Variants in WDR41 observed in about 807,000 individuals in gnomAD.
The protein encoded by WDR41 is WD repeat-containing protein 41.
Under a neutral mutation model 69.3 loss-of-function variants are expected in WDR41, and 63 were observed. The observed-to-expected ratio is 0.91, with a 90% confidence interval of 0.74 to 1.12. WDR41 has a LOEUF of 1.12. Ranked by LOEUF, WDR41 falls within the 50% of genes most tolerant of loss-of-function variation. WDR41 has a pLI of 0.00. For synonymous variants in WDR41, 185 were observed against 192.1 expected (o/e 0.96, Z 0.31); for missense variants, 543 against 534.5 (o/e 1.02, Z -0.16).
chr5:77,581,988 A>C (rs1200885099), intron 1 of WDR41, among the ~76,000 whole-genome samples: 1 of 151,892 alleles, frequency 6.6e-6, no homozygotes, highest in Admixed American at 6.6e-5. Context: ...ATAAGTAATA[A>C]AATTAGAGGA....
chr5:77,542,999 A>G (rs986209004), intron 1 of WDR41, among the ~76,000 whole-genome samples: 1 of 152,064 alleles, frequency 6.6e-6, no homozygotes, highest in Non-Finnish European at 1.5e-5. Flanking sequence ...GATAACCCCC[A>G]CTACCAGCCC....
rs186857981 is a variant in WDR41, at chr5:77,471,603, C to T, written c.168-6794G>A. Among the ~76,000 whole-genome samples the T allele has an allele frequency of 1.7e-3, 251 of 152,082 alleles. 7 individuals are homozygous for T. The East Asian group carries it at 0.042, about 25-fold the overall frequency. ...AAAATGATAAAGGGGATATCACCACCAATCCCACAGAAATACAAACTACCA... is the reference window on the plus strand; with the variant it reads ...AAAATGATAAAGGGGATATCACCACTAATCCCACAGAAATACAAACTACCA... On this transcript the variant is annotated intron_variant, in intron 2 of 12. Coordinates refer to ENST00000296679, the MANE Select transcript of WDR41 (RefSeq NM_018268.4).
chr5:77,605,680 C>T (rs1000019289), intron 1 of WDR41, among the ~76,000 whole-genome samples: 5 of 152,182 alleles, frequency 3.3e-5, no homozygotes, highest in Admixed American at 6.5e-5. Context: ...GACACAGCAG[C>T]TGGCTGGCCA....
rs189508862 is a variant in WDR41, at chr5:77,475,828, T to A, written c.168-11019A>T. 1.9e-4 allele frequency among the ~76,000 whole-genome samples: 29 copies of A among 152,266 alleles called. No homozygotes were observed. The East Asian group carries it at 4.6e-3, about 24-fold the overall frequency. On this transcript the variant is annotated intron_variant, in intron 2 of 12. Coordinates refer to ENST00000296679, the MANE Select transcript of WDR41 (RefSeq NM_018268.4). ...GGAACAAAGCTGGATGGAGAATGAC[T>A]TTGACAAGCTGAGAGAAGAAGGCTT... is the stretch of plus-strand genomic sequence containing the variant.
chr5:77,530,516 G>A (rs535358931), intron 1 of WDR41, among the ~76,000 whole-genome samples: 1 of 151,686 alleles, frequency 6.6e-6, no homozygotes, highest in South Asian at 2.1e-4. Flanking sequence ...ACACAAAAAA[G>A]AATATACTGA....
chr5:77,444,076 C>T (rs567015888), intron 8 of WDR41, among the ~76,000 whole-genome samples: 1 of 152,038 alleles, frequency 6.6e-6, no homozygotes, highest in East Asian at 1.9e-4. Context: ...TGACGGGTTT[C>T]GCCATGTTGG....
At position 77,561,434 on chromosome 5, in the gene WDR41, GT is replaced by G. The variant is rs1743522627; in HGVS notation, c.42+59044del. Among the ~76,000 whole-genome samples the G allele has an allele frequency of 3.9e-5, 6 of 152,144 alleles. No homozygotes were observed. The South Asian group carries it at 1.2e-3, about 32-fold the overall frequency. On this transcript the variant is annotated intron_variant, in intron 1 of 5. Coordinates refer to the WDR41 transcript ENST00000509971. ...CATGAAGTAGAGAGTTCATTATTTA[GT>G]TTTGATACTTTTTTTTCCTTGCTTT...
intron 1 of WDR41, among the ~76,000 whole-genome samples, chr5:77,558,023 C>CGTCA (rs1743441101): frequency 1.4e-5 from 2 of 145,508 alleles, no homozygotes; most frequent in Non-Finnish European, 3.0e-5. Context: ...AAAAACCCCA[C>CGTCA]GTCAGTGTAA....
intron 2 of WDR41, among the ~76,000 whole-genome samples, chr5:77,470,248 A>G (rs987289091): frequency 5.3e-5 from 8 of 152,196 alleles, no homozygotes; most frequent in Non-Finnish European, 8.8e-5. Context: ...TGTCACCACC[A>G]GGCCTGTCTT....
chr5:77,451,123 G>GGCCTA (rs1194095648), intron 7 of WDR41, among the ~76,000 whole-genome samples, 168 bp downstream of exon 7: 1 of 152,050 alleles, frequency 6.6e-6, no homozygotes, highest in Non-Finnish European at 1.5e-5. Context: ...AAAGAAACCT[G>GGCCTA]GCCTAACATC....
chr5:77,604,726 C>T (rs1433639430), intron 1 of WDR41, among the ~76,000 whole-genome samples: 2 of 151,810 alleles, frequency 1.3e-5, no homozygotes, highest in African/African-American at 2.4e-5. Context: ...AGGAAAAGAC[C>T]AAAACCGACC....
At chr5:77,454,126 T>TA (rs1799734607) in intron 5 of WDR41, among the ~76,000 whole-genome samples, 198 bp from the exon 6 acceptor site, 1 of 152,198 alleles carries the variant, frequency 6.6e-6, no homozygotes, top group South Asian at 2.1e-4. Flanking sequence ...GTGTGTGACT[T>TA]ACAAGACTAA....
At chr5:77,469,494 C>G (rs1478372694) in intron 2 of WDR41, among the ~76,000 whole-genome samples, 1 of 152,128 alleles carries the variant, frequency 6.6e-6, no homozygotes, top group Non-Finnish European at 1.5e-5. Flanking sequence ...AATCTACAGA[C>G]TTAATCCAAT....
At chr5:77,529,646 A>C (rs1283946772) in intron 1 of WDR41, among the ~76,000 whole-genome samples, 1 of 151,630 alleles carries the variant, frequency 6.6e-6, no homozygotes, top group Non-Finnish European at 1.5e-5. Flanking sequence ...AATTAAGTCA[A>C]TGTGGTATTG....
At chr5:77,515,173 T>C (rs950133760) in intron 1 of WDR41, among the ~76,000 whole-genome samples, 1 of 152,136 alleles carries the variant, frequency 6.6e-6, no homozygotes, top group Non-Finnish European at 1.5e-5. Flanking sequence ...TCTTAAAACA[T>C]ATGTTTTACA....
At chr5:77,454,284 G>A (rs554476815) in intron 5 of WDR41, among the ~76,000 whole-genome samples, 4 of 152,326 alleles carry the variant, frequency 2.6e-5, no homozygotes, top group South Asian at 2.1e-4. Flanking sequence ...TGCCAAGCAC[G>A]TAGGTGAGCC....
intron 1 of WDR41, among the ~76,000 whole-genome samples, chr5:77,566,867 A>G (rs1475631355): frequency 2.0e-5 from 3 of 152,132 alleles, no homozygotes; most frequent in African/African-American, 7.2e-5. Context: ...AGTCAGCATG[A>G]TCTGAGGGGC....
chr5:77,523,263 G>A (rs924364736), intron 1 of WDR41, among the ~76,000 whole-genome samples: 2 of 150,744 alleles, frequency 1.3e-5, no homozygotes, highest in African/African-American at 2.4e-5. Flanking sequence ...GCAGTGAGCC[G>A]AGATTGTGCC....
At chr5:77,610,874 A>G (rs1432135505) in intron 1 of WDR41, among the ~76,000 whole-genome samples, 1 of 151,706 alleles carries the variant, frequency 6.6e-6, no homozygotes, top group Admixed American at 6.6e-5. Context: ...TTGGATAAAG[A>G]GTCAAGACCC....
Sources: gnomAD v4.1 joint callset for allele counts (sites outside exome capture counted in the v4.1 genomes callset) on GRCh38, gnomAD v4.1.1 for gene constraint, MANE v1.5 for transcripts, NCBI Gene and HGNC (gene_info 2026-07-23, HGNC 2026-07-21) for gene names.